GAB2: variants seen among roughly 807,000 people sequenced by gnomAD.
GAB2 encodes the protein GRB2-associated-binding protein 2.
In GAB2, 26 loss-of-function variants were observed where a neutral mutation model predicts 65.5. That is an observed-to-expected ratio of 0.40 (90% CI 0.29 to 0.55). The LOEUF (loss-of-function observed/expected upper bound fraction) is 0.55. Ranked by LOEUF, GAB2 falls within the 20% of genes least tolerant of loss-of-function variation. GAB2 has a pLI of 0.53. For missense variants in GAB2, 884 were observed against 875.8 expected, an observed-to-expected ratio of 1.01 and a Z score of -0.12; for synonymous variants, 321 against 329.6, an observed-to-expected ratio of 0.97 and a Z score of 0.28.
intron 1 of GAB2, among the ~76,000 whole-genome samples, chr11:78,325,349 A>G (rs1855804019): frequency 6.6e-6 from 1 of 152,198 alleles, no homozygotes; most frequent in Non-Finnish European, 1.5e-5. Flanking sequence ...TCAGTCATGA[A>G]AAAACAGAGG....
intron 1 of GAB2, among the ~76,000 whole-genome samples, chr11:78,362,680 T>G (rs1490675940): frequency 1.3e-5 from 2 of 152,054 alleles, no homozygotes; most frequent in African/African-American, 4.8e-5. Context: ...AAGAAAGACT[T>G]TCCAGACTAA....
intron 2 of GAB2, among the ~76,000 whole-genome samples, chr11:78,270,170 T>C (rs1565135253): frequency 2.0e-5 from 3 of 151,824 alleles, no homozygotes; most frequent in Non-Finnish European, 2.9e-5. Context: ...CTACTAAAAA[T>C]ACAAAAATTA....
At chr11:78,370,469 T>C (rs1856556170) in intron 1 of GAB2, among the ~76,000 whole-genome samples, 1 of 152,122 alleles carries the variant, frequency 6.6e-6, no homozygotes, top group African/African-American at 2.4e-5. Flanking sequence ...ATGTTTTTTA[T>C]TGACTACTAT....
At chr11:78,345,784 G>C (rs1183579466) in intron 1 of GAB2, among the ~76,000 whole-genome samples, 1 of 152,158 alleles carries the variant, frequency 6.6e-6, no homozygotes, top group Non-Finnish European at 1.5e-5. Context: ...TGGAACAGAG[G>C]AAAATGATGC....
intron 2 of GAB2, among the ~76,000 whole-genome samples, chr11:78,252,753 C>T (rs1865490752): frequency 6.6e-6 from 1 of 152,120 alleles, no homozygotes; most frequent in African/African-American, 2.4e-5. Flanking sequence ...CTATATATCC[C>T]TTCACCTGCT....
At chr11:78,349,703 G>A (rs1215930626) in intron 1 of GAB2, among the ~76,000 whole-genome samples, 6 of 151,894 alleles carry the variant, frequency 4.0e-5, no homozygotes, top group Non-Finnish European at 8.8e-5. Context: ...TTTTTAAGTC[G>A]GTGAGTTTTA....
At chr11:78,242,960 C>T (rs1221796804) in intron 3 of GAB2, among the ~76,000 whole-genome samples, 2 of 149,088 alleles carry the variant, frequency 1.3e-5, no homozygotes, top group Non-Finnish European at 3.0e-5. Context: ...ATCAGGAGTT[C>T]GAGACCAGCC....
At chr11:78,381,070 C>A (rs1172738500) in intron 1 of GAB2, among the ~76,000 whole-genome samples, 1 of 152,166 alleles carries the variant, frequency 6.6e-6, no homozygotes, top group African/African-American at 2.4e-5. Context: ...CTCAAATAGA[C>A]TCTACTTAAT....
chr11:78,250,436 A>C, intron 2 of GAB2, 36 bp from the exon 3 acceptor site: 1 of 1,593,768 alleles, frequency 6.3e-7, no homozygotes, highest in Non-Finnish European at 8.6e-7. Flanking sequence ...ATGAAAAAGG[A>C]AGGAAATGTA....
chr11:78,401,938 G>A (rs374018918), intron 1 of GAB2, among the ~76,000 whole-genome samples: 2 of 152,098 alleles, frequency 1.3e-5, no homozygotes, highest in South Asian at 2.1e-4. Flanking sequence ...TTTCCATCTG[G>A]TTATATGAAC....
At chr11:78,254,971 GTCCT>G (rs1865557514) in intron 2 of GAB2, among the ~76,000 whole-genome samples, 1 of 151,940 alleles carries the variant, frequency 6.6e-6, no homozygotes, top group Non-Finnish European at 1.5e-5. Context: ...GTTTACTAGT[GTCCT>G]TCCAAAACTC....
chr11:78,241,966 A>G (rs1049483642), intron 3 of GAB2, among the ~76,000 whole-genome samples: 1 of 152,212 alleles, frequency 6.6e-6, no homozygotes, highest in African/African-American at 2.4e-5. Context: ...GGACCTAACA[A>G]CACTTCATCC....
intron 3 of GAB2, among the ~76,000 whole-genome samples, chr11:78,237,491 C>G (rs901923761): frequency 6.6e-6 from 1 of 152,130 alleles, no homozygotes; most frequent in Non-Finnish European, 1.5e-5. Context: ...GCAAATCAAT[C>G]TGTAGTGGCA....
At position 78,226,626 on chromosome 11, in the gene GAB2, A is replaced by G; in HGVS notation, c.1046T>C (p.Ile349Thr). Residue 349 changes from isoleucine to threonine, a missense_variant, in exon 4 of 10, where the codon ATA (isoleucine) becomes ACA (threonine). Physicochemically the swap from Ile to Thr is moderately conservative, Grantham distance 89. Coordinates refer to ENST00000361507, the MANE Select transcript of GAB2 (RefSeq NM_080491.3). The stretch of plus-strand genomic sequence containing the variant: ...CTTGGGGGGGCGGGGTGGGGGAGCT[A>G]TGGCTGAGTCCCCAGGAGTGGCCAC... ...MTVATPGDSA[I>T]APPPRPPKPS... The G allele has an allele frequency of 6.2e-7, 1 of 1,613,254 alleles. No individual in the cohort carries two copies.
intron 1 of GAB2, among the ~76,000 whole-genome samples, chr11:78,381,434 G>C (rs1158552143): frequency 6.6e-6 from 1 of 152,136 alleles, no homozygotes; most frequent in Non-Finnish European, 1.5e-5. Flanking sequence ...ACTAGCCAAG[G>C]GCACACAGCT....
At chr11:78,414,641 G>A (rs544641999) in intron 1 of GAB2, among the ~76,000 whole-genome samples, 119 of 152,252 alleles carry the variant, frequency 7.8e-4, no homozygotes, top group Admixed American at 1.6e-3. Flanking sequence ...GCCTCCCACT[G>A]CAGCCATATC....
At chr11:78,397,179 AAAAC>A (rs778856862) in intron 1 of GAB2, among the ~76,000 whole-genome samples, 3 of 152,204 alleles carry the variant, frequency 2.0e-5, no homozygotes, top group African/African-American at 4.8e-5. Flanking sequence ...AACCTGTTGC[AAAAC>A]AAACAAACAA....
At chr11:78,351,220 T>C (rs1856272617) in intron 1 of GAB2, among the ~76,000 whole-genome samples, 1 of 151,928 alleles carries the variant, frequency 6.6e-6, no homozygotes, top group Admixed American at 6.6e-5. Context: ...TTCTCAGTAT[T>C]AGAAGGGGCC....
Position 78,332,016 on chromosome 11 carries a change from C to CCT in GAB2, c.76-51117_76-51116dup, listed in dbSNP as rs368913246. Among the ~76,000 whole-genome samples the CCT allele has an allele frequency of 4.1e-3, 626 of 152,278 alleles. 2 individuals carry two copies. Among genetic ancestry groups the CCT allele is most frequent in the African/African-American group, 0.015 (604 of 41,556 alleles). On this transcript the variant is annotated intron_variant, in intron 1 of 9. Coordinates refer to ENST00000361507, the MANE Select transcript of GAB2 (RefSeq NM_080491.3). ...GGCAGACACACACCAAGGGCTTGCC[C>CCT]CTCCTCCCTTTGCCTCTAGGAAAAG... is the stretch of plus-strand genomic sequence containing the variant.
Sources: gnomAD v4.1 joint callset for allele counts (sites outside exome capture counted in the v4.1 genomes callset) on GRCh38, gnomAD v4.1.1 for gene constraint, MANE v1.5 for transcripts, NCBI Gene and HGNC (gene_info 2026-07-23, HGNC 2026-07-21) for gene names.